Variants in SPIDR observed in about 807,000 individuals in gnomAD.
SPIDR encodes the protein scaffold protein involved in DNA repair.
SPIDR carries 93 observed loss-of-function variants against 104.6 expected under a neutral mutation model. The observed-to-expected ratio is 0.89, with a 90% CI of 0.75 to 1.06. SPIDR has a LOEUF of 1.06. SPIDR is among the 50% of genes least tolerant of loss of function. The pLI is 0.00. For synonymous variants in SPIDR, 431 were observed against 416.9 expected, an observed-to-expected ratio of 1.03 and a Z score of -0.41; for missense variants, 1,154 against 1,111.2, an observed-to-expected ratio of 1.04 and a Z score of -0.55.
chr8:47,504,665 C>T (rs2081183968), intron 8 of SPIDR, among the ~76,000 whole-genome samples: 1 of 152,214 alleles, frequency 6.6e-6, no homozygotes, highest in Non-Finnish European at 1.5e-5. Flanking sequence ...CAGCTTTGTT[C>T]CATTGCTGGT....
intron 9 of SPIDR, among the ~76,000 whole-genome samples, 199 bp downstream of exon 9, chr8:47,596,205 A>G (rs1009477445): frequency 6.6e-6 from 1 of 152,226 alleles, no homozygotes; most frequent in African/African-American, 2.4e-5. Context: ...CTCTTGTTAC[A>G]GTATTTCATC....
Position 47,727,250 on chromosome 8 carries a change from GAC to G in SPIDR, c.2394_2395del (p.Met799ValfsTer67). The G allele has an allele frequency of 1.2e-6, 2 of 1,614,156 alleles. No homozygotes were observed. Among genetic ancestry groups the G allele is most frequent in the Non-Finnish European group, 8.5e-7 (1 of 1,180,018 alleles). On this transcript the variant is annotated frameshift_variant, in exon 17 of 20. Coordinates refer to ENST00000297423, the MANE Select transcript of SPIDR (RefSeq NM_001080394.4). LOFTEE classifies it high-confidence loss of function. ...ESTAFSWPVCDMCGNGRLEQR... is the reference protein window; with the variant it reads ...ESTAFSWPVCXMCGNGRLEQR... ...CACTGCTTTCTCATGGCCTGTGTGT[GAC>G]ATGTGTGGCAACGGGAGATTGGAAC...
At chr8:47,338,729 T>C (rs1735252930) in intron 5 of SPIDR, among the ~76,000 whole-genome samples, 2 of 152,216 alleles carry the variant, frequency 1.3e-5, no homozygotes, top group African/African-American at 4.8e-5. Context: ...CTAGTGTCCA[T>C]TGGCCCATCA....
chr8:47,323,033 A>G (rs1416339990), intron 5 of SPIDR, among the ~76,000 whole-genome samples: 1 of 152,130 alleles, frequency 6.6e-6, no homozygotes, highest in Non-Finnish European at 1.5e-5. Flanking sequence ...GCACATGTAT[A>G]CATATGTAAC....
rs373900377 is a variant in SPIDR at position 47,396,562 on chromosome 8, C to G, written c.712C>G (p.Pro238Ala). The stretch of plus-strand genomic sequence containing the variant: ...ATCAACAGAGACCATTTTGCATACA[C>G]CTCAGAAACCCACAGCTAAGTTTCC... ...TKSTETILHTPQKPTAKFPRT... is the reference protein window; with the variant it reads ...TKSTETILHTAQKPTAKFPRT... The change falls in exon 6 of 20, where the codon CCT becomes GCT. Residue 238 changes from proline (P) to alanine (A), a missense_variant. Coordinates refer to ENST00000297423, the MANE Select transcript of SPIDR (RefSeq NM_001080394.4). The G allele has an allele frequency of 1.1e-5, 18 of 1,613,948 alleles. No individual in the cohort carries two copies. The highest frequency in any genetic ancestry group is 1.5e-5 in the Non-Finnish European group (18 of 1,180,016).
At chr8:47,505,488 C>T (rs922322855) in intron 8 of SPIDR, among the ~76,000 whole-genome samples, 4 of 152,148 alleles carry the variant, frequency 2.6e-5, no homozygotes, top group Non-Finnish European at 5.9e-5. Context: ...ATTGGAAAAG[C>T]GCAGTATTAG....
chr8:47,709,301 A>G (rs1271006643), intron 14 of SPIDR, among the ~76,000 whole-genome samples: 1 of 152,060 alleles, frequency 6.6e-6, no homozygotes, highest in East Asian at 1.9e-4. Flanking sequence ...CCACCACACC[A>G]GCTAATTTTT....
intron 5 of SPIDR, among the ~76,000 whole-genome samples, chr8:47,321,458 CAG>C (rs1193290785): frequency 6.6e-6 from 1 of 152,038 alleles, no homozygotes; most frequent in Non-Finnish European, 1.5e-5. Context: ...TACAAACAAA[CAG>C]AAGAACATTC....
chr8:47,500,049 A>G (rs1180409727), intron 8 of SPIDR, among the ~76,000 whole-genome samples: 1 of 152,212 alleles, frequency 6.6e-6, no homozygotes, highest in Middle Eastern at 3.4e-3. Context: ...TCATTGATGG[A>G]CGTTTGGGTT....
chr8:47,507,209 C>G (rs1478838579), intron 8 of SPIDR, among the ~76,000 whole-genome samples: 1 of 152,188 alleles, frequency 6.6e-6, no homozygotes, highest in East Asian at 1.9e-4. Flanking sequence ...AATGTAAGTT[C>G]TGATTCTTTG....
intron 10 of SPIDR, among the ~76,000 whole-genome samples, chr8:47,629,200 T>C (rs767668794): frequency 5.0e-4 from 76 of 152,152 alleles, no homozygotes; most frequent in Non-Finnish European, 9.6e-4. Context: ...GTTAGGATGG[T>C]AGTAGGGACA....
At chr8:47,311,202 G>T (rs1416736329) in intron 5 of SPIDR, among the ~76,000 whole-genome samples, 6 of 152,162 alleles carry the variant, frequency 3.9e-5, no homozygotes, top group African/African-American at 1.4e-4. Flanking sequence ...GATTACAGAA[G>T]ATTAGGAAAA....
intron 7 of SPIDR, among the ~76,000 whole-genome samples, chr8:47,423,064 G>A (rs2065825781): frequency 6.6e-6 from 1 of 152,104 alleles, no homozygotes; most frequent in Admixed American, 6.6e-5. Flanking sequence ...CCAGCAATTT[G>A]GGAAGCCGAA....
intron 16 of SPIDR, among the ~76,000 whole-genome samples, chr8:47,726,030 G>A (rs1264164749): frequency 2.0e-5 from 3 of 152,232 alleles, no homozygotes; most frequent in African/African-American, 4.8e-5. Flanking sequence ...TGTGCTCTGG[G>A]GCTTGGGGAT....
chr8:47,582,082 T>G (rs2059763336), intron 8 of SPIDR, among the ~76,000 whole-genome samples: 1 of 152,126 alleles, frequency 6.6e-6, no homozygotes, highest in Non-Finnish European at 1.5e-5. Flanking sequence ...CCAGGCGTGG[T>G]GGCGGGTGCC....
intron 5 of SPIDR, among the ~76,000 whole-genome samples, chr8:47,368,078 C>T (rs560583444): frequency 1.3e-5 from 2 of 152,142 alleles, no homozygotes; most frequent in East Asian, 3.9e-4. Flanking sequence ...GTGAGGGCAG[C>T]TTCCTGGTTC....
intron 8 of SPIDR, among the ~76,000 whole-genome samples, chr8:47,558,534 C>T (rs1488927248): frequency 6.6e-6 from 1 of 152,036 alleles, no homozygotes; most frequent in Admixed American, 6.6e-5. Flanking sequence ...TGCAGTGTTC[C>T]AGCAAGATGC....
At chr8:47,524,973 A>G (rs2084751240) in intron 8 of SPIDR, among the ~76,000 whole-genome samples, 1 of 152,158 alleles carries the variant, frequency 6.6e-6, no homozygotes, top group African/African-American at 2.4e-5. Flanking sequence ...AAAGGACTTC[A>G]TGAAAGGTGT....
rs2084755402 is a variant in SPIDR at position 47,728,951 on chromosome 8, G to A, written c.2454G>A (p.Gly818=). 6.2e-7 allele frequency: 1 copy of A among 1,612,390 alleles called. No homozygotes were observed. The highest frequency in any genetic ancestry group is 8.5e-7 in the Non-Finnish European group (1 of 1,179,462). The change falls in exon 18 of 20, where the codon GGG becomes GGA. Residue 818 remains glycine (G), a synonymous_variant. Transcript: ENST00000297423. ...RPEDRGAFSC[G]DCSRVVTSPV... ...ATACCAGAGGCGCCTTTTCCTGTGGGGACTGCTCCCGGGTGGTCACATCTC... is the reference window on the plus strand; with the variant it reads ...ATACCAGAGGCGCCTTTTCCTGTGGAGACTGCTCCCGGGTGGTCACATCTC...
Sources: gnomAD v4.1 joint callset for allele counts (sites outside exome capture counted in the v4.1 genomes callset) on GRCh38, gnomAD v4.1.1 for gene constraint, MANE v1.5 for transcripts, NCBI Gene and HGNC (gene_info 2026-07-23, HGNC 2026-07-21) for gene names.